Variants in GRID1 observed in about 807,000 individuals in gnomAD.
GRID1 encodes glutamate receptor ionotropic, delta-1.
In GRID1, 28 loss-of-function variants were observed where a neutral mutation model predicts 98.0. The ratio of observed to expected loss-of-function variants is 0.29; its 90% CI spans 0.21 to 0.39. The LOEUF is 0.39. GRID1 is among the 10% of genes least tolerant of loss of function. GRID1 has a pLI of 1.00. For synonymous variants in GRID1, 553 were observed against 538.5 expected (o/e 1.03, Z -0.37); for missense variants, 1,111 against 1,340.5 (o/e 0.83, Z 2.67).
In GRID1 at chr10:85,973,236, T is replaced by C. The variant is rs193217578; in HGVS notation, c.727-56997A>G. ...AAATAATTTTCCCTTCACTTTTTTT[T>C]CTTTATTTTTTGTCTTTATAAAGAA... is the stretch of plus-strand genomic sequence containing the variant. On this transcript the variant is annotated intron_variant, in intron 4 of 15. Coordinates refer to ENST00000327946, the MANE Select transcript of GRID1 (RefSeq NM_017551.3). Among the ~76,000 whole-genome samples, 822 of 152,362 alleles carry C rather than the reference T, an allele frequency of 5.4e-3. 7 individuals are homozygous for C. Among genetic ancestry groups the C allele is most frequent in the African/African-American group, 0.019 (772 of 41,584 alleles).
At chr10:85,625,489 A>T (rs1370424405) in intron 13 of GRID1, among the ~76,000 whole-genome samples, 1 of 152,248 alleles carries the variant, frequency 6.6e-6, no homozygotes, top group Non-Finnish European at 1.5e-5. Context: ...CAAAAAAAGA[A>T]TAGATGCAGG....
At chr10:86,068,130 C>T (rs1843746431) in intron 4 of GRID1, among the ~76,000 whole-genome samples, 1 of 152,180 alleles carries the variant, frequency 6.6e-6, no homozygotes, top group Non-Finnish European at 1.5e-5. Context: ...GAAAACGTCG[C>T]CATTTACAGA....
chr10:85,923,177 C>T (rs1182169145), intron 4 of GRID1, among the ~76,000 whole-genome samples: 2 of 152,076 alleles, frequency 1.3e-5, no homozygotes, highest in African/African-American at 2.4e-5. Flanking sequence ...TCTCTTTGCT[C>T]GAGGATCCTT....
At chr10:86,150,421 G>C (rs759868977) in intron 3 of GRID1, among the ~76,000 whole-genome samples, 1 of 152,256 alleles carries the variant, frequency 6.6e-6, no homozygotes, top group African/African-American at 2.4e-5. Context: ...CCACATCATT[G>C]CTTTGAGGGA....
intron 2 of GRID1, among the ~76,000 whole-genome samples, chr10:86,300,648 G>C (rs1372330244): frequency 1.3e-5 from 2 of 152,150 alleles, no homozygotes; most frequent in East Asian, 3.9e-4. Context: ...CCTGGGAATG[G>C]CAAAGACCAG....
At chr10:85,624,213 T>A (rs562972634) in intron 13 of GRID1, among the ~76,000 whole-genome samples, 4 of 152,354 alleles carry the variant, frequency 2.6e-5, no homozygotes, top group Non-Finnish European at 5.9e-5. Flanking sequence ...TGCCACTGAT[T>A]TGAGTTCTGC....
chr10:85,960,615 C>T (rs61385820), intron 4 of GRID1, among the ~76,000 whole-genome samples: 1 of 152,356 alleles, frequency 6.6e-6, no homozygotes, highest in African/African-American at 2.4e-5. Context: ...GCTCAAGGGC[C>T]GGACCTCGCC....
At chr10:85,777,115 A>T (rs1487055918) in intron 8 of GRID1, among the ~76,000 whole-genome samples, 7 of 152,122 alleles carry the variant, frequency 4.6e-5, no homozygotes, top group African/African-American at 1.7e-4. Context: ...TCTCCAACCT[A>T]ATGTATAATT....
intron 2 of GRID1, among the ~76,000 whole-genome samples, chr10:86,257,467 G>A (rs1192455640): frequency 6.6e-6 from 1 of 152,210 alleles, no homozygotes; most frequent in East Asian, 1.9e-4. Flanking sequence ...ACAGACATAA[G>A]AACAGGTGGA....
chr10:85,797,609 A>ATTT lies in GRID1; in HGVS notation c.1233+56884_1233+56886dup, dbSNP rs746153179. ...CACACCCACTGGGGGCTAAATCTGT[A>ATTT]TTTTTTTTTTTTTTTTTTTTTAGTA... On this transcript the variant is annotated intron_variant, in intron 8 of 15. Transcript: ENST00000327946. Among the ~76,000 whole-genome samples, 671 of 117,982 alleles carry ATTT rather than the reference A, an allele frequency of 5.7e-3. 8 individuals carry two copies. The highest frequency in any genetic ancestry group is 0.019 in the African/African-American group (616 of 31,922). The allele number at this position is 117,982 out of a possible 152,430, so 77.4% of individuals were successfully genotyped here.
chr10:85,738,956 G>T (rs1841913435), intron 8 of GRID1, among the ~76,000 whole-genome samples: 1 of 151,958 alleles, frequency 6.6e-6, no homozygotes, highest in Non-Finnish European at 1.5e-5. Flanking sequence ...TGTCAGAGCT[G>T]ATCAAACACC....
chr10:86,240,717 C>T (rs752573480), intron 2 of GRID1, among the ~76,000 whole-genome samples: 49 of 152,182 alleles, frequency 3.2e-4, no homozygotes, highest in African/African-American at 1.0e-3. Context: ...AGCAGCTGCA[C>T]GCAGTGGAGC....
chr10:85,837,623 A>G (rs1461898210), intron 8 of GRID1, among the ~76,000 whole-genome samples: 1 of 146,326 alleles, frequency 6.8e-6, no homozygotes, highest in African/African-American at 2.6e-5. Context: ...AGAGTCATCG[A>G]ATAGGACAAA....
At chr10:86,177,544 A>C (rs981592704) in intron 3 of GRID1, among the ~76,000 whole-genome samples, 3 of 152,050 alleles carry the variant, frequency 2.0e-5, no homozygotes, top group African/African-American at 7.2e-5. Flanking sequence ...TGCATGCATG[A>C]GAAAAACAGA....
chr10:86,008,315 A>G (rs1050013985), intron 4 of GRID1, among the ~76,000 whole-genome samples: 13 of 152,108 alleles, frequency 8.5e-5, no homozygotes, highest in African/African-American at 3.1e-4. Context: ...TCATCCCTTA[A>G]TATTTCTGGA....
chr10:86,076,575 G>A lies in GRID1; in HGVS notation c.726+62244C>T, dbSNP rs561548108. Among the ~76,000 whole-genome samples, 3 of 152,186 alleles carry A rather than the reference G, an allele frequency of 2.0e-5. No homozygotes were observed. The East Asian group carries it at 5.8e-4, about 29-fold the overall frequency. On this transcript the variant is annotated intron_variant, in intron 4 of 15. Transcript: ENST00000327946. ...AAGCTGGCAAGTCCACAGTCTGTGA[G>A]GGGGGCTGTCAGACCGGAGACCCAT... is the stretch of plus-strand genomic sequence containing the variant.
At chr10:86,310,183 A>C (rs1361954063) in intron 2 of GRID1, among the ~76,000 whole-genome samples, 1 of 152,158 alleles carries the variant, frequency 6.6e-6, no homozygotes, top group Non-Finnish European at 1.5e-5. Context: ...GGCAGCCCTC[A>C]TACCTTCCTG....
Position 85,613,508 on chromosome 10 carries a change from C to A in GRID1, c.2500G>T (p.Val834Phe), listed in dbSNP as rs773762673. ...KSLKLHSFAG[V>F]FCILAIGLLL... ...AGGCCAATGGCCAGGATGCAGAAGA[C>A]CCCGGCGAAGCTGTGCAGCTTGAGG... The change falls in exon 15 of 16, where the codon GTC becomes TTC. Residue 834 changes from valine (V) to phenylalanine (F), a missense_variant. This residue lies in a region of GRID1 where 762 missense variants were observed against 869.1 expected (regional missense o/e 0.88). Transcript: ENST00000327946. 1.2e-6 allele frequency: 2 copies of A among 1,614,164 alleles called. No individual in the cohort carries two copies. Among genetic ancestry groups the A allele is most frequent in the Non-Finnish European group, 8.5e-7 (1 of 1,180,032 alleles).
chr10:86,322,937 CAA>C (rs569913560), intron 2 of GRID1, among the ~76,000 whole-genome samples: 1 of 135,382 alleles, frequency 7.4e-6, no homozygotes. Flanking sequence ...ACTAAAAATA[CAA>C]AAAAAAAAAG....
Sources: gnomAD v4.1 joint callset for allele counts (sites outside exome capture counted in the v4.1 genomes callset) on GRCh38, gnomAD v4.1.1 for gene constraint, gnomAD v4.1.1 regional missense constraint, MANE v1.5 for transcripts, NCBI Gene and HGNC (gene_info 2026-07-23, HGNC 2026-07-21) for gene names.